DCAF6: variants seen among roughly 807,000 people sequenced by gnomAD.
DCAF6 encodes DDB1- and CUL4-associated factor 6.
Under a neutral mutation model 125.1 loss-of-function variants are expected in DCAF6, and 54 were observed. That is an observed-to-expected ratio of 0.43 (90% CI 0.35 to 0.54). DCAF6 has a LOEUF of 0.54. Among genes scored for constraint, DCAF6 ranks in the 20% least tolerant of loss-of-function variants. The pLI is 0.01. For missense variants in DCAF6, 934 were observed against 1,161.7 expected, an observed-to-expected ratio of 0.80 and a Z score of 2.85; for synonymous variants, 371 against 390.4, an observed-to-expected ratio of 0.95 and a Z score of 0.58.
upstream of DCAF6, chr1:167,936,075 G>C (rs563568591): frequency 6.0e-5 from 35 of 580,328 alleles, no homozygotes; most frequent in South Asian, 5.8e-4. Context: ...GTCCGCCTCC[G>C]GCCCCCGGCA....
rs6672946 is a variant in DCAF6 at position 168,018,685 on chromosome 1, C to G, written c.1549+2734C>G. Reference sequence around the variant, plus strand: ...TTAGTTTTTTAAAAGTATATCTTTTCTAGGAAATACACCACAACTCATTTA... The same window carrying G: ...TTAGTTTTTTAAAAGTATATCTTTTGTAGGAAATACACCACAACTCATTTA... On this transcript the variant is annotated intron_variant, in intron 11 of 21. Coordinates refer to ENST00000367840, the MANE Select transcript of DCAF6 (RefSeq NM_001198956.2). Among the ~76,000 whole-genome samples the G allele has an allele frequency of 4.4e-3, 668 of 152,252 alleles. 9 individuals are homozygous for G. Among genetic ancestry groups the G allele is most frequent in the African/African-American group, 0.015 (639 of 41,518 alleles).
chr1:168,071,063 C>T (rs1411204363), intron 21 of DCAF6, among the ~76,000 whole-genome samples: 1 of 152,196 alleles, frequency 6.6e-6, no homozygotes, highest in East Asian at 1.9e-4. Context: ...GTAAGTGATA[C>T]TAACTTTACT....
At chr1:167,986,406 A>G (rs774689355) in intron 4 of DCAF6, among the ~76,000 whole-genome samples, 1 of 152,216 alleles carries the variant, frequency 6.6e-6, no homozygotes, top group Non-Finnish European at 1.5e-5. Flanking sequence ...ATAGCTGTAT[A>G]TCTTTGTGGT....
rs1693699934 is a variant in DCAF6, at chr1:168,075,492, T to TAC, written c.*58_*59insCA. On this transcript the variant is annotated 3_prime_UTR_variant, in exon 22 of 22. Transcript: ENST00000367840. ...TGAAATTTGTATAAGACATTTATTA[T>TAC]ATTTTTTTCTTTACAGAGCTTTAGT... 4.1e-6 allele frequency: 6 copies of TAC among 1,460,056 alleles called. No homozygotes were observed. Among genetic ancestry groups the TAC allele is most frequent in the Admixed American group, 5.0e-5 (2 of 39,782 alleles). 90.4% of individuals were successfully genotyped at this position (1,460,056 alleles called of 1,614,324 possible).
At chr1:167,881,782 A>C in the DCAF6 span, among the ~76,000 whole-genome samples, 4 of 152,362 alleles carry the variant, frequency 2.6e-5, no homozygotes, top group African/African-American at 9.6e-5. Context: ...ACAGCTGGGA[A>C]TCTTTGGAGC....
At chr1:167,885,804 C>T in the DCAF6 span, among the ~76,000 whole-genome samples, 7 of 151,926 alleles carry the variant, frequency 4.6e-5, no homozygotes, top group South Asian at 2.1e-4. Flanking sequence ...TTAGTAGAGA[C>T]GGGGTTTCAC....
intron 12 of DCAF6, among the ~76,000 whole-genome samples, chr1:168,034,544 C>A (rs1325224119): frequency 6.6e-6 from 1 of 152,086 alleles, no homozygotes; most frequent in African/African-American, 2.4e-5. Flanking sequence ...AAGTCCGTAA[C>A]TAGAGAAAAA....
the DCAF6 span, among the ~76,000 whole-genome samples, chr1:167,888,603 G>A: frequency 1.4e-4 from 22 of 151,984 alleles, no homozygotes; most frequent in Non-Finnish European, 2.8e-4. Flanking sequence ...TGGGCCGGGC[G>A]CGGTGGCTCA....
At chr1:167,871,460 T>A in the DCAF6 span, among the ~76,000 whole-genome samples, 1 of 152,246 alleles carries the variant, frequency 6.6e-6, no homozygotes, top group African/African-American at 2.4e-5. Context: ...GTTACAACCC[T>A]TATTTTTCTT....
At chr1:168,061,664 G>A (rs1432747332) in intron 17 of DCAF6, among the ~76,000 whole-genome samples, 1 of 152,064 alleles carries the variant, frequency 6.6e-6, no homozygotes, top group Non-Finnish European at 1.5e-5. Flanking sequence ...GTGAAAAAAA[G>A]TTTATGTATT....
At chr1:167,875,204 A>T in the DCAF6 span, 1 of 1,613,170 alleles carries the variant, frequency 6.2e-7, no homozygotes, top group South Asian at 1.1e-5. Flanking sequence ...GAAGAACAAA[A>T]GAACAGATGC....
intron 2 of DCAF6, among the ~76,000 whole-genome samples, chr1:167,965,741 CG>C (rs1198183320): frequency 6.6e-6 from 1 of 151,944 alleles, no homozygotes; most frequent in Non-Finnish European, 1.5e-5. Flanking sequence ...GTTCTCCTGT[CG>C]GGAGGCTGAG....
intron 4 of DCAF6, among the ~76,000 whole-genome samples, chr1:167,979,877 ACT>A (rs1220052425): frequency 6.7e-6 from 1 of 150,030 alleles, no homozygotes; most frequent in African/African-American, 2.5e-5. Flanking sequence ...ACAGAGTGAG[ACT>A]CTGTCTCAAA....
chr1:167,905,262 T>C, the DCAF6 span: 1 of 1,239,520 alleles, frequency 8.1e-7, no homozygotes, highest in Non-Finnish European at 1.2e-6. Context: ...CTATTGCTCT[T>C]TCTCCATTTG....
chr1:168,022,887 G>T (rs1042737300), intron 11 of DCAF6, 101 bp from the exon 12 acceptor site: 3 of 1,053,164 alleles, frequency 2.8e-6, no homozygotes, highest in Admixed American at 2.0e-5. Flanking sequence ...CTTCTATTCC[G>T]CAGCCTTATA....
chr1:167,901,712 A>G, the DCAF6 span: 1 of 1,614,180 alleles, frequency 6.2e-7, no homozygotes, highest in South Asian at 1.1e-5. Flanking sequence ...GGTCTCAAAC[A>G]ATCCATGGAT....
At chr1:167,992,830 A>G (rs550663640) in intron 6 of DCAF6, among the ~76,000 whole-genome samples, 1 of 152,364 alleles carries the variant, frequency 6.6e-6, no homozygotes, top group South Asian at 2.1e-4. Flanking sequence ...AGGATATTGC[A>G]TACGTTGCAT....
intron 10 of DCAF6, among the ~76,000 whole-genome samples, chr1:168,007,888 A>G (rs12078574): frequency 0.031 from 4,499 of 144,972 alleles, 232 homozygotes; most frequent in African/African-American, 0.11. Context: ...CTGATCTTCT[A>G]CCCTGAATTC....
At chr1:167,954,611 C>T (rs376247764) in intron 2 of DCAF6, among the ~76,000 whole-genome samples, 2 of 151,922 alleles carry the variant, frequency 1.3e-5, no homozygotes, top group Non-Finnish European at 2.9e-5. Flanking sequence ...CACCACCAAG[C>T]GCGGCTAATT....
Sources: allele counts gnomAD v4.1 joint callset (sites outside exome capture counted in the v4.1 genomes callset), GRCh38; gene constraint gnomAD v4.1.1; transcripts MANE v1.5; gene names NCBI Gene and HGNC (gene_info 2026-07-23, HGNC 2026-07-21).